Variants in ECT2L observed in about 807,000 individuals in gnomAD.
ECT2L encodes epithelial cell transforming 2 like.
Under a neutral mutation model 122.8 loss-of-function variants are expected in ECT2L, and 126 were observed. The ratio of observed to expected loss-of-function variants is 1.03; its 90% confidence interval spans 0.89 to 1.19. The LOEUF (loss-of-function observed/expected upper bound fraction) is 1.19, where lower values mean the gene tolerates loss of function less well. Ranked by LOEUF, ECT2L falls within the 50% of genes most tolerant of loss-of-function variation. The pLI is 0.00. For missense variants in ECT2L, 1,012 were observed against 1,064.1 expected (o/e 0.95, Z 0.68); for synonymous variants, 385 against 381.8 (o/e 1.01, Z -0.10).
At chr6:138,883,874 T>A (rs1778722701) in intron 16 of ECT2L, among the ~76,000 whole-genome samples, 1 of 152,164 alleles carries the variant, frequency 6.6e-6, no homozygotes, top group African/African-American at 2.4e-5. Flanking sequence ...GTTGTGGGGT[T>A]TGTTTTGAGA....
intron 6 of ECT2L, 102 bp downstream of exon 6, chr6:138,843,333 T>C (rs1777110609): frequency 2.5e-6 from 3 of 1,190,270 alleles, no homozygotes; most frequent in Non-Finnish European, 2.3e-6. Context: ...TTCGGAATAC[T>C]CTGAGTGGCA....
intron 19 of ECT2L, 71 bp from the exon 20 acceptor site, chr6:138,888,872 A>G: frequency 1.7e-6 from 1 of 580,990 alleles, no homozygotes; most frequent in Admixed American, 3.3e-5. Context: ...CTGAGATATA[A>G]AATGGTTTGC....
At chr6:138,875,635 A>T (rs759587262) in intron 13 of ECT2L, among the ~76,000 whole-genome samples, 1 of 152,254 alleles carries the variant, frequency 6.6e-6, no homozygotes, top group Non-Finnish European at 1.5e-5. Context: ...ATAGTTAACA[A>T]GGTAAAGTGA....
chr6:138,860,804 C>T, intron 10 of ECT2L, among the ~76,000 whole-genome samples: 1 of 150,038 alleles, frequency 6.7e-6, no homozygotes, highest in African/African-American at 2.5e-5. Flanking sequence ...TGGTTTGCTG[C>T]ACTTATCAAC....
chr6:138,805,600 T>G (rs1481019004), intron 1 of ECT2L, among the ~76,000 whole-genome samples: 4 of 152,188 alleles, frequency 2.6e-5, no homozygotes, highest in Admixed American at 1.3e-4. Context: ...ACATGGGAGC[T>G]TAGTTGCAAC....
chr6:138,862,557 T>C (rs572593111), intron 10 of ECT2L, 70 bp from the exon 11 acceptor site: 1 of 1,438,298 alleles, frequency 7.0e-7, no homozygotes, highest in African/African-American at 1.4e-5. Context: ...AGGGAACAAA[T>C]ATCCAAGTTA....
At chr6:138,858,013 T>C (rs115837668) in intron 10 of ECT2L, among the ~76,000 whole-genome samples, 4,209 of 152,226 alleles carry the variant, frequency 0.028, 174 homozygotes, top group African/African-American at 0.096. Context: ...TCGTGAGAAC[T>C]CACTCGCTCT....
intron 1 of ECT2L, among the ~76,000 whole-genome samples, chr6:138,811,319 C>T: frequency 6.6e-6 from 1 of 152,224 alleles, no homozygotes; most frequent in Non-Finnish European, 1.5e-5. Context: ...CTGTCAACAA[C>T]CACATGAATG....
At chr6:138,864,560 TGATGACAGGGTTGACTTCCATTGGC>T (rs1319184012) in intron 11 of ECT2L, among the ~76,000 whole-genome samples, 5 of 152,110 alleles carry the variant, frequency 3.3e-5, no homozygotes, top group Non-Finnish European at 5.9e-5. Flanking sequence ...AAGGATTTGG[TGATGACAGGGTTGACTTCCATTGGC>T]GATGACAGGG....
At chr6:138,834,894 TACACACACACACACACACAC>T (rs544584441) in intron 4 of ECT2L, among the ~76,000 whole-genome samples, 1 of 137,336 alleles carries the variant, frequency 7.3e-6, no homozygotes, top group Non-Finnish European at 1.6e-5. Context: ...TGCCCCCGTT[TACACACACACACACACACAC>T]ACACACACAC....
At chr6:138,856,998 G>A (rs545228550) in intron 10 of ECT2L, among the ~76,000 whole-genome samples, 6 of 151,980 alleles carry the variant, frequency 3.9e-5, no homozygotes, top group African/African-American at 1.4e-4. Flanking sequence ...TCCTACCGTC[G>A]AATCCACCAC....
intron 9 of ECT2L, among the ~76,000 whole-genome samples, chr6:138,852,893 C>A (rs1203294112): frequency 6.6e-6 from 1 of 152,154 alleles, no homozygotes; most frequent in Admixed American, 6.5e-5. Context: ...TGATCTCAGC[C>A]TTTTTGTTCT....
intron 4 of ECT2L, among the ~76,000 whole-genome samples, chr6:138,825,377 C>T (rs573433664): frequency 1.3e-5 from 2 of 152,092 alleles, no homozygotes; most frequent in South Asian, 4.1e-4. Flanking sequence ...GTCAGGAGTT[C>T]GAGACCAGCC....
At chr6:138,863,042 A>G (rs980165427) in intron 11 of ECT2L, among the ~76,000 whole-genome samples, 1 of 152,242 alleles carries the variant, frequency 6.6e-6, no homozygotes, top group African/African-American at 2.4e-5. Context: ...TTAGTAACAT[A>G]TATATAGTCA....
In ECT2L at chr6:138,807,506, G is replaced by A. The variant is rs140930890; in HGVS notation, c.-243-5332G>A. Among the ~76,000 whole-genome samples, 30 of 152,138 alleles carry A rather than the reference G, an allele frequency of 2.0e-4. No homozygotes were observed. The East Asian group carries it at 5.8e-3, about 29-fold the overall frequency. On this transcript the variant is annotated intron_variant, in intron 1 of 21. Coordinates refer to ENST00000541398, the MANE Select transcript of ECT2L (RefSeq NM_001077706.3). ...CATAATGCCGGTCATCTTCTCACTA[G>A]CCTTTCTCTAGACTCCACTACACCG...
At chr6:138,900,272 A>T (rs1367244221) in intron 20 of ECT2L, among the ~76,000 whole-genome samples, 1 of 150,480 alleles carries the variant, frequency 6.6e-6, no homozygotes, top group African/African-American at 2.4e-5. Context: ...TTTGAGGCGG[A>T]GTCTCGCCCT....
chr6:138,882,528 C>T (rs929676465), intron 15 of ECT2L, among the ~76,000 whole-genome samples, 196 bp from the exon 16 acceptor site: 7 of 152,192 alleles, frequency 4.6e-5, no homozygotes, highest in East Asian at 1.9e-4. Context: ...GATTCCACCC[C>T]GGCCAACCTA....
At chr6:138,809,328 G>A (rs548149943) in intron 1 of ECT2L, among the ~76,000 whole-genome samples, 3 of 152,240 alleles carry the variant, frequency 2.0e-5, no homozygotes, top group East Asian at 3.9e-4. Flanking sequence ...TTGGGAGGCC[G>A]AGGCACAGTG....
At chr6:138,810,394 T>G (rs1031238685) in intron 1 of ECT2L, among the ~76,000 whole-genome samples, 1 of 152,092 alleles carries the variant, frequency 6.6e-6, no homozygotes, top group African/African-American at 2.4e-5. Context: ...ATACTTTGAG[T>G]TGGAAAAACA....
Sources: gnomAD v4.1 joint callset for allele counts (sites outside exome capture counted in the v4.1 genomes callset) on GRCh38, gnomAD v4.1.1 for gene constraint, MANE v1.5 for transcripts, NCBI Gene and HGNC (gene_info 2026-07-23, HGNC 2026-07-21) for gene names.